Variants in MARCHF10 observed in about 807,000 individuals in gnomAD.
MARCHF10 encodes probable E3 ubiquitin-protein ligase MARCHF10.
A neutral mutation model predicts 76.2 loss-of-function variants in MARCHF10; 64 were observed. The ratio of observed to expected loss-of-function variants is 0.84; its 90% CI spans 0.69 to 1.03. The LOEUF (loss-of-function observed/expected upper bound fraction) is 1.03. Ranked by LOEUF, MARCHF10 falls within the 50% of genes least tolerant of loss-of-function variation. The pLI is 0.00. For missense variants in MARCHF10, 875 were observed against 958.0 expected (o/e 0.91, Z 1.14); for synonymous variants, 340 against 357.5 (o/e 0.95, Z 0.55).
At chr17:62,714,045 G>A (rs1055557978) in intron 8 of MARCHF10, among the ~76,000 whole-genome samples, 3 of 152,222 alleles carry the variant, frequency 2.0e-5, no homozygotes, top group Non-Finnish European at 2.9e-5. Flanking sequence ...ATTCAAGAGT[G>A]CTCCTAGGTA....
chr17:62,770,845 T>A (rs2092431109), intron 3 of MARCHF10, among the ~76,000 whole-genome samples: 1 of 146,290 alleles, frequency 6.8e-6, no homozygotes. Context: ...CTGGTCTGTA[T>A]TTTGACTTTT....
At chr17:62,730,552 A>C (rs1599129090) in intron 6 of MARCHF10, among the ~76,000 whole-genome samples, 1 of 152,194 alleles carries the variant, frequency 6.6e-6, no homozygotes. Flanking sequence ...TTCTTTGAGG[A>C]GTATGTATTG....
In MARCHF10 at chr17:62,735,968, T is replaced by C; in HGVS notation, c.1900A>G (p.Lys634Glu). 6.2e-7 allele frequency: 1 copy of C among 1,612,892 alleles called. No individual in the cohort carries two copies. The highest frequency in any genetic ancestry group is 8.5e-7 in the Non-Finnish European group (1 of 1,179,810). Residue 634 changes from lysine to glutamate, a missense_variant, in exon 6 of 11, where the codon AAG becomes GAG. By Grantham distance (56) the Lys-to-Glu change is moderately conservative. Transcript: ENST00000311269. ...TTCTTGAGTTTCTCAGGGTCTGCCT[T>C]TATCTTACTGGTTTCCTTTTCATCT... Reference protein sequence around the residue: ...FTDEKETSKIKADPEKLKKLQ... With the variant: ...FTDEKETSKIEADPEKLKKLQ...
intron 1 of MARCHF10, among the ~76,000 whole-genome samples, chr17:62,804,012 G>A (rs1440344146): frequency 6.6e-6 from 1 of 152,204 alleles, no homozygotes; most frequent in Non-Finnish European, 1.5e-5. Context: ...GAGTCGGGAT[G>A]TGAACCCGGA....
At position 62,788,651 on chromosome 17, in the gene MARCHF10, G is replaced by C. The variant is rs764412939; in HGVS notation, c.91-52C>G. ...TGTCTTAGGACCATGGCAAGCTTGG[G>C]TAACTTTATGCTTAACTCCAATGGT... On this transcript the variant is annotated intron_variant, in intron 2 of 10. Transcript: ENST00000311269. 10 of 1,609,022 alleles carry C rather than the reference G, an allele frequency of 6.2e-6. No homozygotes were observed. In the Admixed American group the frequency reaches 1.7e-4, roughly 27 times the overall value.
At chr17:62,779,094 A>G (rs2092607533) in intron 3 of MARCHF10, among the ~76,000 whole-genome samples, 1 of 152,182 alleles carries the variant, frequency 6.6e-6, no homozygotes, top group African/African-American at 2.4e-5. Context: ...CTGCGTGCAG[A>G]GCTGCGTTCT....
intron 6 of MARCHF10, among the ~76,000 whole-genome samples, chr17:62,730,189 A>C (rs2090961083): frequency 6.6e-6 from 1 of 152,232 alleles, no homozygotes; most frequent in African/African-American, 2.4e-5. Context: ...TCGTCTCAAA[A>C]AGAAAATGAA....
At position 62,736,671 on chromosome 17, in the gene MARCHF10, G is replaced by A. The variant is rs1217080290; in HGVS notation, c.1197C>T (p.Ser399=). 6.2e-7 allele frequency: 1 copy of A among 1,614,008 alleles called. No homozygotes were observed. The highest frequency in any genetic ancestry group is 1.3e-5 in the African/African-American group (1 of 74,904). Residue 399 remains serine, a synonymous_variant, in exon 6 of 11, where the codon AGC becomes AGT. Coordinates refer to ENST00000311269, the MANE Select transcript of MARCHF10 (RefSeq NM_152598.4). ...DRGGSENAKK[S]PLSWDTKSEP... ...CGGATTTGGTGTCCCACGAAAGAGG[G>A]CTCTTTTTCGCATTTTCACTGCCAC...
At chr17:62,797,558 T>C (rs1056134825) in intron 2 of MARCHF10, among the ~76,000 whole-genome samples, 2 of 152,182 alleles carry the variant, frequency 1.3e-5, no homozygotes, top group African/African-American at 4.8e-5. Flanking sequence ...AGATTCCCTT[T>C]AGTTCTAAAT....
chr17:62,707,831 T>C (rs886863057), intron 9 of MARCHF10, among the ~76,000 whole-genome samples: 2 of 152,182 alleles, frequency 1.3e-5, no homozygotes. Context: ...TAGAGGCTAG[T>C]ATGTAGTAGG....
In MARCHF10 at chr17:62,738,343, A is replaced by C. The variant is rs2091375180; in HGVS notation, c.536-1011T>G. On this transcript the variant is annotated intron_variant, in intron 5 of 10. Transcript: ENST00000311269. This position sits in a 1 kb window ranked among gnomAD's most constrained non-coding sequence, Gnocchi z 4.0. ...CCTTGTGAAAATGAGAATCCATTGA[A>C]TTCATCGTGGTGTGTGTGTGCTGTT... Among the ~76,000 whole-genome samples, 1 of 152,140 alleles carries C rather than the reference A, an allele frequency of 6.6e-6. No homozygotes were observed. Among genetic ancestry groups the C allele is most frequent in the African/African-American group, 2.4e-5 (1 of 41,418 alleles).
chr17:62,788,242 G>A (rs553419126), intron 3 of MARCHF10, among the ~76,000 whole-genome samples: 1 of 152,310 alleles, frequency 6.6e-6, no homozygotes, highest in African/African-American at 2.4e-5. Flanking sequence ...AGAAGAGTGA[G>A]CCCAACCATA....
In MARCHF10 at chr17:62,701,478, G is replaced by T; in HGVS notation, c.*225C>A. 1 of 1,047,552 alleles carries T rather than the reference G, an allele frequency of 9.5e-7. No individual in the cohort carries two copies. The highest frequency in any genetic ancestry group is 1.3e-6 in the Non-Finnish European group (1 of 750,926). The allele number at this position is 1,047,552 out of a possible 1,614,324, so 64.9% of individuals were successfully genotyped here. A position where few individuals can be genotyped will look rare whatever the true frequency, so the allele number is the denominator to read the frequency against. On this transcript the variant is annotated 3_prime_UTR_variant, in exon 11 of 11. Transcript: ENST00000311269. Reference sequence around the variant, plus strand: ...AGGCCAGCCTGCCAGGGGCTCCACAGTCCCACGCTGCTTGACCTGTGCTGT... The same window carrying T: ...AGGCCAGCCTGCCAGGGGCTCCACATTCCCACGCTGCTTGACCTGTGCTGT...
rs529095649 is a variant in MARCHF10, at chr17:62,788,577, T to C, written c.113A>G (p.Tyr38Cys). 5.7e-4 allele frequency: 925 copies of C among 1,614,196 alleles called. 13 individuals carry two copies. The South Asian group carries it at 9.8e-3, about 17-fold the overall frequency. ...TTTCTTCTCATTTGGGTCTCTTCTA[T>C]ATTCCTGTCGTCTCAGACAAGCCTG... is the stretch of plus-strand genomic sequence containing the variant. ...EYQACLRRQE[Y>C]RRDPNEKKRD... Residue 38 changes from tyrosine (Y) to cysteine (C), a missense_variant, in exon 3 of 11, where the codon TAT becomes TGT. By Grantham distance (194) the Tyr-to-Cys change is radical. Transcript: ENST00000311269.
intron 4 of MARCHF10, among the ~76,000 whole-genome samples, chr17:62,745,436 G>T (rs1004583998): frequency 2.6e-5 from 4 of 152,130 alleles, no homozygotes; most frequent in African/African-American, 9.7e-5. Flanking sequence ...CAATCCATAG[G>T]TGTTGGGATA....
chr17:62,729,566 G>GTATAAATA (rs1315699501), intron 6 of MARCHF10, among the ~76,000 whole-genome samples: 2 of 147,404 alleles, frequency 1.4e-5, no homozygotes, highest in Non-Finnish European at 3.0e-5. Context: ...AAATATAAAT[G>GTATAAATA]TATAAATATA....
intron 8 of MARCHF10, among the ~76,000 whole-genome samples, chr17:62,722,040 T>A: frequency 6.6e-6 from 1 of 152,026 alleles, no homozygotes; most frequent in Non-Finnish European, 1.5e-5. Context: ...TGTAGCACTC[T>A]GGGAGGTGGA....
At chr17:62,733,232 G>A (rs1320019736) in intron 6 of MARCHF10, among the ~76,000 whole-genome samples, 5 of 152,140 alleles carry the variant, frequency 3.3e-5, no homozygotes, top group African/African-American at 4.8e-5. Flanking sequence ...GCTGAGGTGG[G>A]AGGATTGCTT....
At chr17:62,713,950 G>C (rs1219142804) in intron 8 of MARCHF10, among the ~76,000 whole-genome samples, 3 of 152,272 alleles carry the variant, frequency 2.0e-5, no homozygotes, top group African/African-American at 7.2e-5. Flanking sequence ...TAGGCCAAGA[G>C]ACTTGCTACT....
Sources: gnomAD v4.1 joint callset for allele counts (sites outside exome capture counted in the v4.1 genomes callset) on GRCh38, gnomAD v4.1.1 for gene constraint, Gnocchi (gnomAD v3.1) non-coding constraint, MANE v1.5 for transcripts, NCBI Gene and HGNC (gene_info 2026-07-23, HGNC 2026-07-21) for gene names.